Variants in RGS7 observed in about 807,000 individuals in gnomAD.
RGS7 encodes regulator of G-protein signaling 7.
In RGS7, 27 loss-of-function variants were observed where a neutral mutation model predicts 81.1. The ratio of observed to expected loss-of-function variants is 0.33; its 90% CI spans 0.25 to 0.46. The LOEUF (loss-of-function observed/expected upper bound fraction) is 0.46. Ranked by LOEUF, RGS7 falls within the 20% of genes least tolerant of loss-of-function variation. The pLI is 1.00. For synonymous variants in RGS7, 208 were observed against 207.7 expected (o/e 1.00, Z -0.01); for missense variants, 396 against 607.4 (o/e 0.65, Z 3.66).
At chr1:240,979,548 G>T (rs1684628620) in intron 4 of RGS7, among the ~76,000 whole-genome samples, 1 of 152,198 alleles carries the variant, frequency 6.6e-6, no homozygotes, top group Non-Finnish European at 1.5e-5. Flanking sequence ...AAAAATCGGG[G>T]TTCCATTTTG....
chr1:240,856,900 A>G (rs890725950), intron 9 of RGS7, among the ~76,000 whole-genome samples: 7 of 152,186 alleles, frequency 4.6e-5, no homozygotes, highest in African/African-American at 1.7e-4. Flanking sequence ...AATCACATTG[A>G]TCATGTCAAG....
At chr1:240,909,472 T>C (rs1480719175) in intron 6 of RGS7, among the ~76,000 whole-genome samples, 3 of 152,168 alleles carry the variant, frequency 2.0e-5, no homozygotes, top group Non-Finnish European at 4.4e-5. Flanking sequence ...TTTCTACCTA[T>C]AACTTACCTA....
chr1:241,003,675 A>T (rs2058537388), intron 3 of RGS7, among the ~76,000 whole-genome samples: 1 of 152,150 alleles, frequency 6.6e-6, no homozygotes, highest in African/African-American at 2.4e-5. Flanking sequence ...CCCATTTCCA[A>T]ACCCTCATGA....
At chr1:241,266,597 C>T (rs2077606655) in intron 2 of RGS7, among the ~76,000 whole-genome samples, 2 of 152,260 alleles carry the variant, frequency 1.3e-5, no homozygotes, top group South Asian at 2.1e-4. Context: ...CCATTTGGGG[C>T]CAGGCCTATT....
At chr1:241,130,356 A>AC (rs397969779) in intron 2 of RGS7, among the ~76,000 whole-genome samples, 1 of 151,878 alleles carries the variant, frequency 6.6e-6, no homozygotes, top group African/African-American at 2.4e-5. Flanking sequence ...AAAAAAAAAA[A>AC]CACTAGGCTC....
rs182973870 is a variant in RGS7, at chr1:241,334,443, T to A, written c.78+21256A>T. 1.8e-4 allele frequency among the ~76,000 whole-genome samples: 28 copies of A among 152,058 alleles called. 1 individual carries two copies. The highest frequency in any genetic ancestry group is 4.8e-5 in the African/African-American group (2 of 41,390). On this transcript the variant is annotated intron_variant, in intron 2 of 18. Coordinates refer to ENST00000440928, the MANE Select transcript of RGS7 (RefSeq NM_001364886.1). The stretch of plus-strand genomic sequence containing the variant: ...TCCACAACATGGGATTCTTTGATCA[T>A]CTCAGTGATACTCCCCCCAGCCTCA...
At chr1:241,057,460 C>T (rs2061529215) in intron 3 of RGS7, among the ~76,000 whole-genome samples, 1 of 152,150 alleles carries the variant, frequency 6.6e-6, no homozygotes, top group Non-Finnish European at 1.5e-5. Flanking sequence ...AAAGTCGGTA[C>T]TATTATTTCT....
intron 2 of RGS7, among the ~76,000 whole-genome samples, chr1:241,318,971 T>C (rs1475995114): frequency 3.3e-5 from 5 of 152,368 alleles, no homozygotes; most frequent in South Asian, 2.1e-4. Flanking sequence ...AAACGAAGGA[T>C]ACTGATCCAT....
chr1:240,820,552 A>T (rs535038921), intron 10 of RGS7, among the ~76,000 whole-genome samples: 1 of 151,734 alleles, frequency 6.6e-6, no homozygotes, highest in Non-Finnish European at 1.5e-5. Context: ...CCCTAATGTG[A>T]TGGTATTAAA....
intron 2 of RGS7, among the ~76,000 whole-genome samples, chr1:241,256,780 T>C (rs1205676792): frequency 2.0e-5 from 3 of 152,146 alleles, no homozygotes; most frequent in African/African-American, 7.2e-5. Context: ...ATGATCAATT[T>C]ACCTCCCAAA....
At chr1:241,259,667 A>AAAAAAAAAAAAAATATATAT in intron 2 of RGS7, among the ~76,000 whole-genome samples, 4 of 49,136 alleles carry the variant, frequency 8.1e-5, no homozygotes, top group South Asian at 1.1e-3. Flanking sequence ...AAAAAAAAAA[A>AAAAAAAAAAAAAATATATAT]ATATATATAT....
At chr1:241,348,020 C>G (rs1218208303) in intron 2 of RGS7, among the ~76,000 whole-genome samples, 1 of 152,160 alleles carries the variant, frequency 6.6e-6, no homozygotes, top group East Asian at 1.9e-4. Flanking sequence ...AAGTCCTTTA[C>G]TTCCTGCCAC....
intron 4 of RGS7, among the ~76,000 whole-genome samples, chr1:240,961,966 G>C (rs1558529212): frequency 2.6e-5 from 4 of 152,040 alleles, no homozygotes; most frequent in Non-Finnish European, 2.9e-5. Context: ...AAGAGAGAGA[G>C]AGAAGAAAAG....
intron 3 of RGS7, among the ~76,000 whole-genome samples, chr1:241,051,520 T>C (rs1252193961): frequency 6.6e-6 from 1 of 152,138 alleles, no homozygotes; most frequent in Non-Finnish European, 1.5e-5. Flanking sequence ...CTTCTTTATT[T>C]GGTCAAAGAA....
chr1:240,867,652 G>A (rs1287116276), intron 9 of RGS7, among the ~76,000 whole-genome samples: 1 of 152,182 alleles, frequency 6.6e-6, no homozygotes, highest in Non-Finnish European at 1.5e-5. Context: ...TTGAGCCACA[G>A]GAAATGAAAG....
chr1:241,265,657 G>C (rs1461834219), intron 2 of RGS7, among the ~76,000 whole-genome samples: 1 of 152,100 alleles, frequency 6.6e-6, no homozygotes, highest in Non-Finnish European at 1.5e-5. Flanking sequence ...ACAGAGGGCA[G>C]ATACAAATGA....
At chr1:241,345,304 C>T (rs12354344) in intron 2 of RGS7, among the ~76,000 whole-genome samples, 38,055 of 151,928 alleles carry the variant, frequency 0.25, 6,482 homozygotes, top group African/African-American at 0.49. Context: ...GCTTAATACC[C>T]GAGTGAAGAA....
At chr1:240,782,226 C>A (rs970847023) in intron 18 of RGS7, among the ~76,000 whole-genome samples, 2 of 152,138 alleles carry the variant, frequency 1.3e-5, no homozygotes, top group Admixed American at 6.5e-5. Flanking sequence ...GTTGCTCACT[C>A]CTCCACTGCA....
At position 240,900,292 on chromosome 1, in the gene RGS7, C is replaced by T. The variant is rs555225250; in HGVS notation, c.386-30173G>A. Among the ~76,000 whole-genome samples the T allele has an allele frequency of 5.5e-4, 84 of 152,340 alleles. 1 individual carries two copies. In the South Asian group the frequency reaches 0.017, roughly 31 times the overall value. ...ATCGTCTGAAGCCTTCTTCTCCCAA[C>T]TCCTCAAAGTCATTCTCCATCCAGC... On this transcript the variant is annotated intron_variant, in intron 6 of 18. Coordinates refer to ENST00000440928, the MANE Select transcript of RGS7 (RefSeq NM_001364886.1).
Sources: gnomAD v4.1 joint callset for allele counts (sites outside exome capture counted in the v4.1 genomes callset) on GRCh38, gnomAD v4.1.1 for gene constraint, MANE v1.5 for transcripts, NCBI Gene and HGNC (gene_info 2026-07-23, HGNC 2026-07-21) for gene names.